The following SLC24A3 variants were observed in gnomAD, a reference collection of about 807,000 sequenced individuals.
SLC24A3 encodes the protein solute carrier family 24 member 3.
SLC24A3 carries 28 observed loss-of-function variants against 75.8 expected under a neutral mutation model. That is an observed-to-expected ratio of 0.37 (90% CI 0.27 to 0.51). SLC24A3 has a LOEUF of 0.51. SLC24A3 is among the 20% of genes least tolerant of loss of function. SLC24A3 has a pLI of 0.94. For synonymous variants in SLC24A3, 372 were observed against 334.1 expected, an observed-to-expected ratio of 1.11 and a Z score of -1.24; for missense variants, 663 against 847.8, an observed-to-expected ratio of 0.78 and a Z score of 2.71.
At chr20:19,504,315 C>A (rs1334675083) in intron 2 of SLC24A3, among the ~76,000 whole-genome samples, 1 of 152,166 alleles carries the variant, frequency 6.6e-6, no homozygotes, top group Non-Finnish European at 1.5e-5. Context: ...AAGGTTACTT[C>A]CACCTCTGGA....
At chr20:19,639,936 G>A (rs538649526) in intron 6 of SLC24A3, among the ~76,000 whole-genome samples, 1 of 152,384 alleles carries the variant, frequency 6.6e-6, no homozygotes, top group South Asian at 2.1e-4. Flanking sequence ...GAGTGCGGGG[G>A]CTGCCAAGAC....
At chr20:19,591,701 G>C (rs991219555) in intron 6 of SLC24A3, among the ~76,000 whole-genome samples, 1 of 152,164 alleles carries the variant, frequency 6.6e-6, no homozygotes, top group Admixed American at 6.5e-5. Flanking sequence ...AAAGGAACTA[G>C]TTACTCAATT....
At chr20:19,679,558 A>G (rs56397322) in intron 9 of SLC24A3, among the ~76,000 whole-genome samples, 17 of 127,606 alleles carry the variant, frequency 1.3e-4, no homozygotes, top group African/African-American at 3.5e-4. Context: ...GGAGAGGGAG[A>G]GGGAGAGGGA....
chr20:19,429,320 G>T (rs540598690), intron 2 of SLC24A3, among the ~76,000 whole-genome samples: 163 of 152,330 alleles, frequency 1.1e-3, no homozygotes, highest in African/African-American at 3.8e-3. Context: ...ATTTTTGTAT[G>T]CTCAACCTAA....
intron 3 of SLC24A3, among the ~76,000 whole-genome samples, chr20:19,546,158 C>CAAAAAAAAAAAAAAAAAAAAAAAA (rs367781560): frequency 1.7e-4 from 8 of 46,750 alleles, no homozygotes; most frequent in Admixed American, 4.0e-4. Context: ...GACTCCGTCT[C>CAAAAAAAAAAAAAAAAAAAAAAAA]AAAAAAAAAA....
intron 2 of SLC24A3, among the ~76,000 whole-genome samples, chr20:19,385,244 C>T (rs1405643040): frequency 1.3e-5 from 2 of 152,196 alleles, no homozygotes; most frequent in East Asian, 3.8e-4. Context: ...AAGAAGCTTT[C>T]ACTCTATATT....
chr20:19,432,719 C>G (rs191816305), intron 2 of SLC24A3, among the ~76,000 whole-genome samples: 188 of 152,286 alleles, frequency 1.2e-3, no homozygotes, highest in African/African-American at 4.3e-3. Flanking sequence ...GAATGCTTTG[C>G]TTGCTCTTTA....
At chr20:19,484,828 T>A (rs1988106550) in intron 2 of SLC24A3, among the ~76,000 whole-genome samples, 1 of 152,166 alleles carries the variant, frequency 6.6e-6, no homozygotes, top group African/African-American at 2.4e-5. Flanking sequence ...TGATGAAAAA[T>A]TTTGTGCTGT....
rs73900553 is a variant in SLC24A3, at chr20:19,572,587, G to A, written c.349-7413G>A. On this transcript the variant is annotated intron_variant, in intron 3 of 16. Coordinates refer to ENST00000328041, the MANE Select transcript of SLC24A3 (RefSeq NM_020689.4). ...AGCCTTCAAAGAAATTGAGGCATTC[G>A]CTGGTATTTGAAAGTCAACGGAGCT... 7.3e-3 allele frequency among the ~76,000 whole-genome samples: 1,108 copies of A among 152,256 alleles called. 11 individuals carry two copies. The highest frequency in any genetic ancestry group is 0.025 in the African/African-American group (1,045 of 41,536).
chr20:19,281,572 A>G (rs1361550998), intron 2 of SLC24A3, among the ~76,000 whole-genome samples: 1 of 152,176 alleles, frequency 6.6e-6, no homozygotes, highest in Non-Finnish European at 1.5e-5. Flanking sequence ...TTTGATATCT[A>G]TTATGCCATT....
At chr20:19,714,706 C>A (rs1923058) in intron 15 of SLC24A3, among the ~76,000 whole-genome samples, 113,813 of 152,138 alleles carry the variant, frequency 0.75, 42,856 homozygotes, top group East Asian at 0.96. Flanking sequence ...AAAAACACAG[C>A]AACTCCACAA....
At chr20:19,548,738 A>C (rs981929824) in intron 3 of SLC24A3, among the ~76,000 whole-genome samples, 2 of 152,140 alleles carry the variant, frequency 1.3e-5, no homozygotes, top group African/African-American at 4.8e-5. Context: ...TTCCTCTTTT[A>C]AGGTCAACTG....
intron 1 of SLC24A3, among the ~76,000 whole-genome samples, chr20:19,246,561 TAAC>T (rs1248077884): frequency 1.3e-5 from 2 of 152,178 alleles, no homozygotes; most frequent in Admixed American, 6.5e-5. Flanking sequence ...TAGAAAAGTA[TAAC>T]AACATTGACT....
At chr20:19,692,561 C>T (rs1474394009) in intron 12 of SLC24A3, among the ~76,000 whole-genome samples, 2 of 152,056 alleles carry the variant, frequency 1.3e-5, no homozygotes, top group Non-Finnish European at 2.9e-5. Flanking sequence ...ACAGTAAAAA[C>T]AATATCTATG....
intron 15 of SLC24A3, among the ~76,000 whole-genome samples, 165 bp from the exon 16 acceptor site, chr20:19,717,363 G>T (rs895892186): frequency 1.3e-5 from 2 of 152,202 alleles, no homozygotes; most frequent in Non-Finnish European, 2.9e-5. Flanking sequence ...CACGTCTCAA[G>T]TATAAGCTGT....
intron 6 of SLC24A3, among the ~76,000 whole-genome samples, chr20:19,606,804 A>C (rs1419022889): frequency 6.6e-6 from 1 of 152,216 alleles, no homozygotes; most frequent in African/African-American, 2.4e-5. Context: ...ACTGGTGGTC[A>C]GAACAGGGTG....
In SLC24A3 at chr20:19,707,985, G is replaced by C. The variant is rs147679158; in HGVS notation, c.1719+9305G>C. On this transcript the variant is annotated intron_variant, in intron 15 of 16. Coordinates refer to ENST00000328041, the MANE Select transcript of SLC24A3 (RefSeq NM_020689.4). Reference sequence around the variant, plus strand: ...CAACGTAAGAAGGTAAGTGTAGATAGAGGAGAGGGCCTAGAACATGTCGTG... The same window carrying C: ...CAACGTAAGAAGGTAAGTGTAGATACAGGAGAGGGCCTAGAACATGTCGTG... Among the ~76,000 whole-genome samples, 84 of 120,792 alleles carry C rather than the reference G, an allele frequency of 7.0e-4. 1 individual carries two copies. The highest frequency in any genetic ancestry group is 2.5e-3 in the African/African-American group (80 of 32,272). The allele number at this position is 120,792 out of a possible 152,430, so 79.2% of individuals were successfully genotyped here.
intron 2 of SLC24A3, among the ~76,000 whole-genome samples, chr20:19,291,066 G>A (rs533776905): frequency 7.6e-4 from 116 of 152,306 alleles, no homozygotes; most frequent in African/African-American, 2.7e-3. Flanking sequence ...TCTTGCCATC[G>A]GGTCCTCAGT....
chr20:19,601,024 C>T (rs1235187336), intron 6 of SLC24A3, among the ~76,000 whole-genome samples: 1 of 152,180 alleles, frequency 6.6e-6, no homozygotes, highest in African/African-American at 2.4e-5. Flanking sequence ...GGCCTCCCCA[C>T]ATCTTGAATA....
Sources: allele counts gnomAD v4.1 joint callset (sites outside exome capture counted in the v4.1 genomes callset), GRCh38; gene constraint gnomAD v4.1.1; transcripts MANE v1.5; gene names NCBI Gene and HGNC (gene_info 2026-07-23, HGNC 2026-07-21).